Variants in PSTPIP2 observed in about 807,000 individuals in gnomAD.
The protein encoded by PSTPIP2 is proline-serine-threonine phosphatase interacting protein 2, also known as proline-serine-threonine phosphatase-interacting protein 2.
Under a neutral mutation model 63.3 loss-of-function variants are expected in PSTPIP2, and 33 were observed. The ratio of observed to expected loss-of-function variants is 0.52; its 90% confidence interval spans 0.40 to 0.70. PSTPIP2 has a LOEUF of 0.70. PSTPIP2 is among the 30% of genes least tolerant of loss of function. The pLI is 0.00. For missense variants in PSTPIP2, 312 were observed against 400.7 expected (o/e 0.78, Z 1.89); for synonymous variants, 125 against 132.7 (o/e 0.94, Z 0.40).
intron 5 of PSTPIP2, among the ~76,000 whole-genome samples, chr18:46,010,534 T>A (rs1269503753): frequency 6.6e-6 from 1 of 152,194 alleles, no homozygotes; most frequent in African/African-American, 2.4e-5. Context: ...AGAACAGAGT[T>A]GTGGCTGGTC....
rs919810698 is a variant in PSTPIP2, at chr18:46,049,890, CA to C, written c.34-9844del. Among the ~76,000 whole-genome samples, 5 of 148,802 alleles carry C rather than the reference CA, an allele frequency of 3.4e-5. No homozygotes were observed. The East Asian group carries it at 5.9e-4, about 18-fold the overall frequency. The stretch of plus-strand genomic sequence containing the variant: ...CAAGACTCCGTTTCAAAAAACAAAA[CA>C]AAAAAAAAGAACAACCAATTTTCTC... On this transcript the variant is annotated intron_variant, in intron 1 of 14. Coordinates refer to ENST00000409746, the MANE Select transcript of PSTPIP2 (RefSeq NM_024430.4).
chr18:46,043,402 A>G (rs1908266213), intron 1 of PSTPIP2, among the ~76,000 whole-genome samples: 1 of 151,932 alleles, frequency 6.6e-6, no homozygotes, highest in Admixed American at 6.6e-5. Context: ...AAATGAAAAA[A>G]AAAAAGAAAA....
At chr18:46,011,026 T>A in intron 5 of PSTPIP2, 155 bp downstream of exon 5, 7 of 649,496 alleles carry the variant, frequency 1.1e-5, no homozygotes, top group Non-Finnish European at 1.9e-5. Flanking sequence ...CATATACCCA[T>A]CTGGACTGAG....
intron 2 of PSTPIP2, among the ~76,000 whole-genome samples, chr18:46,031,856 C>T (rs1381095784): frequency 6.6e-6 from 1 of 152,062 alleles, no homozygotes; most frequent in African/African-American, 2.4e-5. Context: ...TCTCCTAGAA[C>T]CCGGGAAGTA....
At chr18:46,048,744 C>A (rs1455259488) in intron 1 of PSTPIP2, among the ~76,000 whole-genome samples, 1 of 152,134 alleles carries the variant, frequency 6.6e-6, no homozygotes, top group African/African-American at 2.4e-5. Flanking sequence ...GACGTGGCAG[C>A]TAAATGCCAT....
intron 4 of PSTPIP2, among the ~76,000 whole-genome samples, chr18:46,014,287 G>A (rs1009623511): frequency 6.3e-5 from 8 of 127,368 alleles, no homozygotes; most frequent in Admixed American, 1.7e-4. Flanking sequence ...CTCCCAAAGC[G>A]TTAGGATTAC....
chr18:45,999,664 TG>T (rs1234204328), intron 6 of PSTPIP2, 130 bp from the exon 7 acceptor site: 2 of 813,788 alleles, frequency 2.5e-6, no homozygotes, highest in Non-Finnish European at 3.9e-6. Context: ...CACTAAGCCA[TG>T]GGCTCCCAGA....
intron 5 of PSTPIP2, among the ~76,000 whole-genome samples, chr18:46,009,454 A>T (rs1599711072): frequency 6.6e-6 from 1 of 150,496 alleles, no homozygotes; most frequent in East Asian, 1.9e-4. Flanking sequence ...TTACAATTTT[A>T]TTAATAAAAT....
At chr18:46,032,407 C>A (rs1212483630) in intron 2 of PSTPIP2, among the ~76,000 whole-genome samples, 3 of 152,148 alleles carry the variant, frequency 2.0e-5, no homozygotes, top group Admixed American at 6.5e-5. Context: ...TTTGACCTCG[C>A]TTCTATCCAA....
At chr18:45,997,205 T>G (rs1281284350) in intron 9 of PSTPIP2, among the ~76,000 whole-genome samples, 2 of 152,174 alleles carry the variant, frequency 1.3e-5, no homozygotes, top group Admixed American at 6.5e-5. Flanking sequence ...TTTGTTTTCT[T>G]GGAGACGGAG....
chr18:46,036,471 A>G (rs1907983941), intron 2 of PSTPIP2, among the ~76,000 whole-genome samples: 1 of 152,160 alleles, frequency 6.6e-6, no homozygotes, highest in South Asian at 2.1e-4. Context: ...AATAAACATC[A>G]GCTATTATAT....
chr18:46,025,799 G>A (rs935960503), intron 2 of PSTPIP2, among the ~76,000 whole-genome samples: 3 of 152,198 alleles, frequency 2.0e-5, no homozygotes, highest in African/African-American at 7.2e-5. Context: ...CTGCCACCCA[G>A]GCTGGAGTGC....
rs779989037 is a variant in PSTPIP2, at chr18:45,999,433, T to C, written c.516+3A>G. 6.2e-7 allele frequency: 1 copy of C among 1,614,160 alleles called. No homozygotes were observed. Among genetic ancestry groups the C allele is most frequent in the Non-Finnish European group, 8.5e-7 (1 of 1,179,992 alleles). The stretch of plus-strand genomic sequence containing the variant: ...TTTTCGGGTTGTTAGCCCTCCTGGG[T>C]ACCTTTTCTTGTTGCTTCGGGTTCA... On this transcript the variant is annotated splice_donor_region_variant and intron_variant, in intron 7 of 14. Transcript: ENST00000409746.
Position 46,008,166 on chromosome 18 carries a change from A to T in PSTPIP2, c.355-2635T>A, listed in dbSNP as rs1163737532. On this transcript the variant is annotated intron_variant, in intron 5 of 14. Transcript: ENST00000409746. ...CACAAAGGAATGCAGAAACACAACTATCTCTGCCATAGGGTGGGGAAAGGC... is the reference window on the plus strand; with the variant it reads ...CACAAAGGAATGCAGAAACACAACTTTCTCTGCCATAGGGTGGGGAAAGGC... 2.6e-5 allele frequency among the ~76,000 whole-genome samples: 4 copies of T among 152,212 alleles called. No individual in the cohort carries two copies. The East Asian group carries it at 7.7e-4, about 29-fold the overall frequency.
At position 45,992,202 on chromosome 18, in the gene PSTPIP2, T is replaced by A. The variant is rs577894341; in HGVS notation, c.742A>T (p.Met248Leu). 3.8e-6 allele frequency: 6 copies of A among 1,567,840 alleles called. No individual in the cohort carries two copies. The South Asian group carries it at 4.6e-5, about 12-fold the overall frequency. Residue 248 changes from methionine to leucine, a missense_variant and splice_region_variant, in exon 11 of 15, where the codon ATG becomes TTG. Transcript: ENST00000409746. ...AAACTCTTTCGGACTTGTTCGTACA[T>A]CTAATAAAAAAAGGTCAATTAATAG... ...LSQQCVTSDE[M>L]YEQVRKSLEM...
intron 1 of PSTPIP2, among the ~76,000 whole-genome samples, chr18:46,061,487 C>G (rs772845072): frequency 6.6e-6 from 1 of 152,300 alleles, no homozygotes; most frequent in South Asian, 2.1e-4. Context: ...AAAGCAATAC[C>G]AGTCTGTATC....
intron 4 of PSTPIP2, among the ~76,000 whole-genome samples, chr18:46,011,848 C>G (rs1468896245): frequency 6.6e-6 from 1 of 152,072 alleles, no homozygotes; most frequent in Admixed American, 6.6e-5. Context: ...GAAAACAAAT[C>G]AAAGCATGGC....
chr18:46,058,177 C>T (rs1908840283), intron 1 of PSTPIP2, among the ~76,000 whole-genome samples: 1 of 151,936 alleles, frequency 6.6e-6, no homozygotes, highest in African/African-American at 2.4e-5. Context: ...ATTACACTTG[C>T]CTACCTGTAT....
At chr18:45,987,013 A>AT (rs2051474752) in intron 14 of PSTPIP2, among the ~76,000 whole-genome samples, 2 of 151,760 alleles carry the variant, frequency 1.3e-5, no homozygotes, top group South Asian at 4.1e-4. Context: ...ACTTTTTTGT[A>AT]TTTTTTGTTT....
Sources: gnomAD v4.1 joint callset for allele counts (sites outside exome capture counted in the v4.1 genomes callset) on GRCh38, gnomAD v4.1.1 for gene constraint, MANE v1.5 for transcripts, NCBI Gene and HGNC (gene_info 2026-07-23, HGNC 2026-07-21) for gene names.